MIPOL1: variants seen among roughly 807,000 people sequenced by gnomAD.
MIPOL1 encodes the protein mirror-image polydactyly gene 1 protein.
Under a neutral mutation model 60.9 loss-of-function variants are expected in MIPOL1, and 57 were observed. The observed-to-expected ratio is 0.94, with a 90% CI of 0.76 to 1.17. The LOEUF is 1.17. Ranked by LOEUF, MIPOL1 falls within the 50% of genes most tolerant of loss-of-function variation. The pLI is 0.00. For missense variants in MIPOL1, 551 were observed against 511.6 expected (o/e 1.08, Z -0.74); for synonymous variants, 179 against 168.8 (o/e 1.06, Z -0.47).
At chr14:37,464,611 G>A (rs764779238) in intron 11 of MIPOL1, among the ~76,000 whole-genome samples, 8 of 151,932 alleles carry the variant, frequency 5.3e-5, no homozygotes, top group Non-Finnish European at 1.0e-4. Context: ...GGAGGTGAGG[G>A]TTGAAAAATT....
intron 12 of MIPOL1, among the ~76,000 whole-genome samples, chr14:37,539,338 A>G (rs1214224665): frequency 6.6e-6 from 1 of 152,236 alleles, no homozygotes; most frequent in East Asian, 1.9e-4. Context: ...GTAGATGTCA[A>G]AAAAAGAGAA....
In MIPOL1 at chr14:37,458,089, G is replaced by A. The variant is rs574320236; in HGVS notation, c.1031+35140G>A. Reference sequence around the variant, plus strand: ...AAAAACAGTAAAAAAAAAAGATAAAGTCATTATATAATAATAAAGAGTTCA... The same window carrying A: ...AAAAACAGTAAAAAAAAAAGATAAAATCATTATATAATAATAAAGAGTTCA... On this transcript the variant is annotated intron_variant, in intron 11 of 12. Coordinates refer to ENST00000684589, the MANE Select transcript of MIPOL1 (RefSeq NM_001388067.1). 4.0e-5 allele frequency among the ~76,000 whole-genome samples: 6 copies of A among 151,658 alleles called. No homozygotes were observed. In the South Asian group the frequency reaches 1.3e-3, roughly 32 times the overall value.
chr14:37,268,942 G>T (rs960712275), intron 5 of MIPOL1, 149 bp downstream of exon 5: 3 of 582,792 alleles, frequency 5.1e-6, no homozygotes, highest in Admixed American at 7.7e-5. Flanking sequence ...TGCCATCAGG[G>T]TATGGTTGAG....
intron 1 of MIPOL1, among the ~76,000 whole-genome samples, chr14:37,205,119 T>C (rs1039934598): frequency 6.6e-6 from 1 of 152,082 alleles, no homozygotes; most frequent in African/African-American, 2.4e-5. Context: ...GTTTTTTTTT[T>C]TGAGACGGAG....
At chr14:37,398,745 A>G (rs1225693295) in intron 10 of MIPOL1, among the ~76,000 whole-genome samples, 1 of 152,210 alleles carries the variant, frequency 6.6e-6, no homozygotes. Flanking sequence ...TGTGCAGGAC[A>G]TTGAACGAGT....
At chr14:37,508,079 A>G (rs1267928594) in intron 12 of MIPOL1, among the ~76,000 whole-genome samples, 1 of 152,144 alleles carries the variant, frequency 6.6e-6, no homozygotes, top group Non-Finnish European at 1.5e-5. Context: ...GAGAAATGTT[A>G]TCCTCTTAAA....
chr14:37,411,491 CAACT>C (rs1254140425), intron 10 of MIPOL1, among the ~76,000 whole-genome samples: 2 of 152,088 alleles, frequency 1.3e-5, no homozygotes, highest in Non-Finnish European at 2.9e-5. Context: ...AGGTATCTGG[CAACT>C]AACCAAAAGC....
At chr14:37,507,669 G>C (rs2095290850) in intron 12 of MIPOL1, 1 of 152,026 alleles carries the variant, frequency 6.6e-6, no homozygotes, top group African/African-American at 2.4e-5. Context: ...CGAGTTGATG[G>C]GTGCAGCAAA....
At chr14:37,349,795 C>T (rs1477967448) in intron 9 of MIPOL1, among the ~76,000 whole-genome samples, 1 of 152,110 alleles carries the variant, frequency 6.6e-6, no homozygotes, top group Non-Finnish European at 1.5e-5. Flanking sequence ...AGAATGTGAA[C>T]TCCATGACAG....
chr14:37,526,678 G>A (rs1413754580), intron 12 of MIPOL1, among the ~76,000 whole-genome samples: 4 of 151,880 alleles, frequency 2.6e-5, no homozygotes, highest in Non-Finnish European at 5.9e-5. Flanking sequence ...ACCGCACCTG[G>A]CCTGGTTTAA....
At chr14:37,364,221 C>A (rs2092391756) in intron 9 of MIPOL1, among the ~76,000 whole-genome samples, 1 of 152,204 alleles carries the variant, frequency 6.6e-6, no homozygotes, top group African/African-American at 2.4e-5. Flanking sequence ...CTACGTGGAT[C>A]ACACTTGGAT....
intron 9 of MIPOL1, among the ~76,000 whole-genome samples, chr14:37,343,123 A>G (rs1445571517): frequency 6.6e-6 from 1 of 151,642 alleles, no homozygotes; most frequent in Non-Finnish European, 1.5e-5. Flanking sequence ...TGTTATATAT[A>G]AAGTATAAAT....
intron 11 of MIPOL1, among the ~76,000 whole-genome samples, chr14:37,424,934 A>G (rs1269813366): frequency 6.6e-6 from 1 of 152,224 alleles, no homozygotes; most frequent in African/African-American, 2.4e-5. Flanking sequence ...AAAGCTCTCT[A>G]GAAAATTCCT....
chr14:37,421,907 T>C (rs1056896572), intron 10 of MIPOL1, among the ~76,000 whole-genome samples: 1 of 151,966 alleles, frequency 6.6e-6, no homozygotes, highest in Non-Finnish European at 1.5e-5. Flanking sequence ...GCTCCAAACT[T>C]TCTATTACTT....
chr14:37,327,823 A>G (rs1294231868), intron 9 of MIPOL1, among the ~76,000 whole-genome samples: 2 of 152,188 alleles, frequency 1.3e-5, no homozygotes, highest in African/African-American at 2.4e-5. Flanking sequence ...AGAAGGCAGA[A>G]GAATAGCAAG....
intron 1 of MIPOL1, among the ~76,000 whole-genome samples, chr14:37,208,291 A>G (rs1020291088): frequency 6.6e-6 from 1 of 152,132 alleles, no homozygotes; most frequent in African/African-American, 2.4e-5. Context: ...TTTTACTGGA[A>G]TCCTTAATGC....
chr14:37,431,527 T>C (rs1020686662), intron 11 of MIPOL1, among the ~76,000 whole-genome samples: 9 of 149,750 alleles, frequency 6.0e-5, no homozygotes, highest in African/African-American at 2.2e-4. Flanking sequence ...CTCTTTAATG[T>C]AACGTTCATG....
At chr14:37,328,497 A>G (rs931278719) in intron 9 of MIPOL1, among the ~76,000 whole-genome samples, 3 of 152,206 alleles carry the variant, frequency 2.0e-5, no homozygotes, top group African/African-American at 7.2e-5. Context: ...ACATATAATA[A>G]AAATGAATTG....
intron 11 of MIPOL1, among the ~76,000 whole-genome samples, chr14:37,479,387 A>G (rs1307603393): frequency 6.6e-6 from 1 of 152,158 alleles, no homozygotes; most frequent in Admixed American, 6.5e-5. Flanking sequence ...AATCAAGAAC[A>G]AGAGGAATTT....
Sources: gnomAD v4.1 joint callset for allele counts (sites outside exome capture counted in the v4.1 genomes callset) on GRCh38, gnomAD v4.1.1 for gene constraint, MANE v1.5 for transcripts, NCBI Gene and HGNC (gene_info 2026-07-23, HGNC 2026-07-21) for gene names.